The following SLC29A4 variants were observed in gnomAD, a reference collection of about 807,000 sequenced individuals.
SLC29A4 encodes the protein solute carrier family 29 member 4.
SLC29A4 carries 36 observed loss-of-function variants against 43.9 expected under a neutral mutation model. The observed-to-expected ratio is 0.82, with a 90% CI of 0.63 to 1.08. The LOEUF is 1.08. Ranked by LOEUF, SLC29A4 falls within the 50% of genes least tolerant of loss-of-function variation. The pLI, the probability that SLC29A4 is intolerant of heterozygous loss-of-function variation, is 0.00. For synonymous variants in SLC29A4, 491 were observed against 338.0 expected (o/e 1.45, Z -4.97); for missense variants, 869 against 755.3 (o/e 1.15, Z -1.77).
At chr7:5,299,153 C>G (rs546381141) in intron 8 of SLC29A4, 27 bp downstream of exon 8, 3 of 1,602,154 alleles carry the variant, frequency 1.9e-6, no homozygotes, top group Admixed American at 1.7e-5. Context: ...CTCTGCTGCC[C>G]TGGCTCTGGC....
chr7:5,296,570 G>T (rs56059553), intron 6 of SLC29A4, among the ~76,000 whole-genome samples: 8,466 of 36,406 alleles, frequency 0.23, 2,074 homozygotes, highest in African/African-American at 0.35. Context: ...GACGGGGCTG[G>T]GTGGGGTCAA....
chr7:5,297,638 C>T (rs1042262989), intron 7 of SLC29A4, among the ~76,000 whole-genome samples: 2 of 152,136 alleles, frequency 1.3e-5, no homozygotes, highest in African/African-American at 2.4e-5. Context: ...CTCTAGGAAG[C>T]TCACAGCCTT....
Position 5,300,674 on chromosome 7 carries a change from G to T in SLC29A4, c.1450+12G>T. 2 of 1,603,590 alleles carry T rather than the reference G, an allele frequency of 1.2e-6. No homozygotes were observed. On this transcript the variant is annotated intron_variant, in intron 10 of 10. Transcript: ENST00000396872. ...GCGGGAGCTGGCAGGTGAGGCCCGC[G>T]GGACGTGGGGGTGGGGGCGTCCTCC...
At chr7:5,288,174 C>T (rs575327518) in intron 2 of SLC29A4, among the ~76,000 whole-genome samples, 189 bp downstream of exon 2, 1 of 152,182 alleles carries the variant, frequency 6.6e-6, no homozygotes, top group South Asian at 2.1e-4. Context: ...CGCCCTGATG[C>T]TGCATGTCCC....
At position 5,285,373 on chromosome 7, in the gene SLC29A4, C is replaced by T. The variant is rs1351229991; in HGVS notation, c.-9+2291C>T. 2.0e-5 allele frequency among the ~76,000 whole-genome samples: 3 copies of T among 152,164 alleles called. No homozygotes were observed. The East Asian group carries it at 5.8e-4, about 29-fold the overall frequency. On this transcript the variant is annotated intron_variant, in intron 1 of 10. Coordinates refer to ENST00000396872, the MANE Select transcript of SLC29A4 (RefSeq NM_153247.4). ...AGGGGAGACACGCTGGGCTTCTCAG[C>T]CCCCAGAAGTCCGGGACCGCCTCTC...
In SLC29A4 at chr7:5,298,193, C is replaced by T. The variant is rs142355064; in HGVS notation, c.883-795C>T. Among the ~76,000 whole-genome samples the T allele has an allele frequency of 5.3e-3, 811 of 152,292 alleles. 7 individuals carry two copies. Among genetic ancestry groups the T allele is most frequent in the African/African-American group, 0.018 (761 of 41,568 alleles). On this transcript the variant is annotated intron_variant, in intron 7 of 10. Transcript: ENST00000396872. ...CGCTGAAGTGAGCCAGAAACACCAT[C>T]CCCAGGGGAGCCCCCAGACCCAGAG...
chr7:5,298,582 A>T (rs1785882225), intron 7 of SLC29A4, among the ~76,000 whole-genome samples: 1 of 152,150 alleles, frequency 6.6e-6, no homozygotes, highest in Admixed American at 6.5e-5. Context: ...GCTTGAGCCC[A>T]AGAGTTTGAG....
At chr7:5,298,583 A>T (rs1785882375) in intron 7 of SLC29A4, among the ~76,000 whole-genome samples, 1 of 152,074 alleles carries the variant, frequency 6.6e-6, no homozygotes, top group Non-Finnish European at 1.5e-5. Flanking sequence ...CTTGAGCCCA[A>T]GAGTTTGAGA....
chr7:5,296,967 C>A lies in SLC29A4; in HGVS notation c.651C>A (p.Arg217=). 6.3e-7 allele frequency: 1 copy of A among 1,598,434 alleles called. No homozygotes were observed. Among genetic ancestry groups the A allele is most frequent in the South Asian group, 1.1e-5 (1 of 90,784 alleles). ...CGGGCGTGATGATCTCTCTGAGCCG[C>A]ATCCTCACGAAGCTGCTGCTGCCCG... ...STAGVMISLS[R]ILTKLLLPDE... is the part of the protein sequence containing the mutation. Residue 217 remains arginine, a synonymous_variant, in exon 7 of 11, where the codon CGC becomes CGA. Coordinates refer to ENST00000396872, the MANE Select transcript of SLC29A4 (RefSeq NM_153247.4).
chr7:5,299,517 GA>G, intron 9 of SLC29A4, 90 bp downstream of exon 9: 1 of 1,365,548 alleles, frequency 7.3e-7, no homozygotes, highest in South Asian at 1.4e-5. Context: ...GGTTCTGAGT[GA>G]AGGATGCATG....
rs886655734 is a variant in SLC29A4, at chr7:5,303,340, G to A, written c.*401G>A. 9 of 263,768 alleles carry A rather than the reference G, an allele frequency of 3.4e-5. No individual in the cohort carries two copies. In the East Asian group the frequency reaches 5.2e-4, roughly 15 times the overall value. The allele number at this position is 263,768 out of a possible 1,614,324, so 16.3% of individuals were successfully genotyped here. ...TGCACCCCGGCCCTCATCACCCACC[G>A]GCACTGATCGGGGCACCGCCTGGCC... On this transcript the variant is annotated 3_prime_UTR_variant, in exon 11 of 11. Transcript: ENST00000396872.
chr7:5,302,674 G>A (rs1258278912), intron 10 of SLC29A4, 123 bp from the exon 11 acceptor site: 25 of 939,144 alleles, frequency 2.7e-5, no homozygotes, highest in Non-Finnish European at 3.6e-5. Flanking sequence ...AGGAGCGATG[G>A]GGCAGCGGGT....
At chr7:5,296,894 G>C (rs748185132) in intron 6 of SLC29A4, 42 bp from the exon 7 acceptor site, 5 of 1,537,806 alleles carry the variant, frequency 3.3e-6, no homozygotes, top group Admixed American at 3.9e-5. Context: ...GGTGCAGGGA[G>C]CTGGGCGGAT....
intron 6 of SLC29A4, among the ~76,000 whole-genome samples, chr7:5,295,748 A>G (rs766127290): frequency 6.6e-5 from 6 of 91,398 alleles, no homozygotes; most frequent in Non-Finnish European, 1.3e-4. Flanking sequence ...GAGGTCCACC[A>G]GATGCCCCAG....
At chr7:5,284,859 T>C (rs1248815454) in intron 1 of SLC29A4, among the ~76,000 whole-genome samples, 5 of 152,168 alleles carry the variant, frequency 3.3e-5, no homozygotes, top group Non-Finnish European at 7.4e-5. Flanking sequence ...CCTTCCTGGG[T>C]GGCGTGGCCT....
chr7:5,296,964 C>T lies in SLC29A4; in HGVS notation c.648C>T (p.Ser216=). 7.5e-6 allele frequency: 12 copies of T among 1,594,260 alleles called. No homozygotes were observed. In the African/African-American group the frequency reaches 1.3e-4, roughly 18 times the overall value. ...CGGCGGGCGTGATGATCTCTCTGAG[C>T]CGCATCCTCACGAAGCTGCTGCTGC... ...ESTAGVMISL[S]RILTKLLLPD... The change falls in exon 7 of 11, where the codon AGC becomes AGT. Residue 216 remains serine (S), a synonymous_variant. Coordinates refer to ENST00000396872, the MANE Select transcript of SLC29A4 (RefSeq NM_153247.4).
chr7:5,296,410 G>A (rs1031159475), intron 6 of SLC29A4, among the ~76,000 whole-genome samples: 1 of 149,934 alleles, frequency 6.7e-6, no homozygotes, highest in Non-Finnish European at 1.5e-5. Flanking sequence ...GTCGGGGTGG[G>A]GCTGCTGTGA....
At chr7:5,290,930 AC>A in intron 3 of SLC29A4, 67 bp downstream of exon 3, 2 of 1,560,086 alleles carry the variant, frequency 1.3e-6, no homozygotes, top group Non-Finnish European at 8.7e-7. Flanking sequence ...CCTCCCAGAA[AC>A]CCCCGGCGGG....
rs746352020 is a variant in SLC29A4 at position 5,299,116 on chromosome 7, C to G, written c.1011C>G (p.Pro337=). ...GGCCAAGGGTCCAGCGCAGCTGGCC[C>G]ACCTTCAGAGGTGAGTGCGGGGAGT... is the stretch of plus-strand genomic sequence containing the variant. The part of the protein sequence containing the change: ...VPRPRVQRSW[P]TFRALLLHRY... Residue 337 remains proline (P), a synonymous_variant, in exon 8 of 11, where the codon CCC becomes CCG. Transcript: ENST00000396872. The G allele has an allele frequency of 4.3e-6, 7 of 1,610,326 alleles. No individual in the cohort carries two copies. The South Asian group carries it at 7.7e-5, about 18-fold the overall frequency.
Sources: allele counts gnomAD v4.1 joint callset (sites outside exome capture counted in the v4.1 genomes callset), GRCh38; gene constraint gnomAD v4.1.1; transcripts MANE v1.5; gene names NCBI Gene and HGNC (gene_info 2026-07-23, HGNC 2026-07-21).